The following PRKCD variants were observed in gnomAD, a reference collection of about 807,000 sequenced individuals.
The protein encoded by PRKCD is protein kinase C delta.
Under a neutral mutation model 82.2 loss-of-function variants are expected in PRKCD, and 20 were observed. The ratio of observed to expected loss-of-function variants is 0.24; its 90% CI spans 0.17 to 0.35. PRKCD has a LOEUF of 0.35. Ranked by LOEUF, PRKCD falls within the 10% of genes least tolerant of loss-of-function variation. The probability of loss-of-function intolerance (pLI) is 1.00; values close to 1 mark genes in which losing one functional copy is unlikely to be tolerated. For missense variants in PRKCD, 607 were observed against 899.0 expected, an observed-to-expected ratio of 0.68 and a Z score of 4.15; for synonymous variants, 317 against 337.0, an observed-to-expected ratio of 0.94 and a Z score of 0.65.
intron 2 of PRKCD, among the ~76,000 whole-genome samples, chr3:53,167,323 T>C (rs1553664043): frequency 6.6e-6 from 1 of 152,166 alleles, no homozygotes; most frequent in Non-Finnish European, 1.5e-5. Context: ...TTTGGGGGGC[T>C]CTAGGAGAAG....
Position 53,184,903 on chromosome 3 carries a change from C to T in PRKCD, c.817C>T (p.Arg273Trp), listed in dbSNP as rs781826732. 17 of 1,613,826 alleles carry T rather than the reference C, an allele frequency of 1.1e-5. No individual in the cohort carries two copies. Among genetic ancestry groups the T allele is most frequent in the South Asian group, 3.3e-5 (3 of 91,072 alleles). The part of the protein sequence containing the change: ...DCGMNVHHKC[R>W]EKVANLCGIN... The stretch of plus-strand genomic sequence containing the variant: ...CGGCATGAATGTGCACCATAAATGC[C>T]GGGAGAAGGTGGCCAACCTCTGCGG... Residue 273 changes from arginine (R) to tryptophan (W), a missense_variant, in exon 10 of 19, where the codon CGG (arginine) becomes TGG (tryptophan). Transcript: ENST00000330452.
chr3:53,190,512 G>T (rs1559633176), intron 18 of PRKCD, among the ~76,000 whole-genome samples: 2 of 152,184 alleles, frequency 1.3e-5, no homozygotes, highest in Non-Finnish European at 2.9e-5. Context: ...TGGCAGAGAA[G>T]AGGGTGGGTC....
intron 9 of PRKCD, 142 bp from the exon 10 acceptor site, chr3:53,184,732 A>C: frequency 1.6e-6 from 1 of 613,076 alleles, no homozygotes; most frequent in East Asian, 2.9e-5. Flanking sequence ...TGATGGCTTC[A>C]GATCAATGTT....
chr3:53,183,646 A>G (rs1244715081), intron 9 of PRKCD, 65 bp downstream of exon 9: 37 of 1,593,416 alleles, frequency 2.3e-5, no homozygotes, highest in Non-Finnish European at 2.9e-5. Flanking sequence ...TGTGAATTCC[A>G]GCCACCTCAC....
chr3:53,186,334 G>A lies in PRKCD; in HGVS notation c.1254G>A (p.Gln418=). Residue 418 remains glutamine (Q), a synonymous_variant, in exon 13 of 19, where the codon CAG becomes CAA. Transcript: ENST00000330452. ...TCACCCACCTCATCTGCACCTTCCA[G>A]ACCAAGGTGCCCGGGCCTCCTGCCG... ...PFLTHLICTF[Q]TKDHLFFVME... is the part of the protein sequence containing the mutation. 1.9e-6 allele frequency: 3 copies of A among 1,613,998 alleles called. No homozygotes were observed. The highest frequency in any genetic ancestry group is 2.5e-6 in the Non-Finnish European group (3 of 1,179,976).
chr3:53,186,520 C>G, intron 13 of PRKCD, 84 bp from the exon 14 acceptor site: 2 of 1,421,586 alleles, frequency 1.4e-6, no homozygotes, highest in Admixed American at 1.8e-5. Flanking sequence ...CTGCTGTTTC[C>G]TGTTGGGGCT....
Position 53,187,657 on chromosome 3 carries a change from C to T in PRKCD, c.1415+255C>T, listed in dbSNP as rs116215090. On this transcript the variant is annotated intron_variant, in intron 15 of 18. Transcript: ENST00000330452. The stretch of plus-strand genomic sequence containing the variant: ...CCATCGCCCCACCCATCCTTGGAGC[C>T]GTCAGTCTCGCTCTGAAGCCCCATC... Among the ~76,000 whole-genome samples the T allele has an allele frequency of 4.8e-3, 735 of 152,284 alleles. 9 individuals carry two copies. The highest frequency in any genetic ancestry group is 0.017 in the African/African-American group (709 of 41,564).
At chr3:53,183,268 GCACCCTCTCCC>G (rs1703530754) in intron 8 of PRKCD, 62 bp downstream of exon 8, 8 of 1,586,938 alleles carry the variant, frequency 5.0e-6, no homozygotes, top group Non-Finnish European at 6.0e-6. Flanking sequence ...GGAGGGATTT[GCACCCTCTCCC>G]CACCCTCCCT....
In PRKCD at chr3:53,188,854, C is replaced by T. The variant is rs1553670090; in HGVS notation, c.1550C>T (p.Pro517Leu). 1 of 1,614,126 alleles carries T rather than the reference C, an allele frequency of 6.2e-7. No homozygotes were observed. Among genetic ancestry groups the T allele is most frequent in the Non-Finnish European group, 8.5e-7 (1 of 1,180,030 alleles). The part of the protein sequence containing the change: ...TFCGTPDYIA[P>L]EILQGLKYTF... ...TGCGGCACCCCTGACTATATCGCCC[C>T]TGAGGTGAGCCGATACCCTTCCAGC... is the stretch of plus-strand genomic sequence containing the variant. Residue 517 changes from proline (P) to leucine (L), a missense_variant, in exon 16 of 19, where the codon CCT (proline) becomes CTT (leucine). Physicochemically the swap from Pro to Leu is moderately conservative, Grantham distance 98. Transcript: ENST00000330452.
intron 17 of PRKCD, among the ~76,000 whole-genome samples, chr3:53,189,628 C>T (rs1703849563): frequency 6.6e-6 from 1 of 152,164 alleles, no homozygotes; most frequent in Admixed American, 6.5e-5. Flanking sequence ...AGCTGTGGGC[C>T]AGGCAGATAG....
At position 53,189,103 on chromosome 3, in the gene PRKCD, T is replaced by C; in HGVS notation, c.1600T>C (p.Phe534Leu). Residue 534 changes from phenylalanine (F) to leucine (L), a missense_variant, in exon 17 of 19, where the codon TTC becomes CTC. Transcript: ENST00000330452. Reference protein sequence around the residue: ...KYTFSVDWWSFGVLLYEMLIG... With the variant: ...KYTFSVDWWSLGVLLYEMLIG... ...CACATTCTCTGTGGACTGGTGGTCT[T>C]TCGGGGTCCTTCTGTACGAGATGCT... 1 of 1,614,180 alleles carries C rather than the reference T, an allele frequency of 6.2e-7. No homozygotes were observed. Among genetic ancestry groups the C allele is most frequent in the Non-Finnish European group, 8.5e-7 (1 of 1,180,020 alleles).
intron 4 of PRKCD, among the ~76,000 whole-genome samples, chr3:53,180,444 G>A (rs782331081): frequency 1.1e-4 from 17 of 152,376 alleles, no homozygotes; most frequent in Admixed American, 4.6e-4. Context: ...GCCATGTGCA[G>A]CTGTGTGTTC....
intron 14 of PRKCD, 32 bp from the exon 15 acceptor site, chr3:53,187,308 C>G (rs1703740938): frequency 2.5e-6 from 4 of 1,613,424 alleles, no homozygotes; most frequent in Non-Finnish European, 2.5e-6. Flanking sequence ...CGGCAGAGAT[C>G]CCGGAACACT....
chr3:53,177,895 G>T (rs534522806), intron 2 of PRKCD, among the ~76,000 whole-genome samples: 1 of 151,848 alleles, frequency 6.6e-6, no homozygotes, highest in South Asian at 2.1e-4. Flanking sequence ...TACCAGAGAC[G>T]CCGCAAATCC....
chr3:53,168,377 G>T (rs1702902017), intron 2 of PRKCD, among the ~76,000 whole-genome samples: 1 of 152,210 alleles, frequency 6.6e-6, no homozygotes, highest in African/African-American at 2.4e-5. Flanking sequence ...AGAGGCTGGG[G>T]ATGAGGAGTG....
At chr3:53,171,295 G>C (rs1445175768) in intron 2 of PRKCD, among the ~76,000 whole-genome samples, 1 of 152,158 alleles carries the variant, frequency 6.6e-6, no homozygotes, top group Non-Finnish European at 1.5e-5. Context: ...CCTGTGCCTG[G>C]TGGCCTCCCT....
In PRKCD at chr3:53,186,271, G is replaced by A; in HGVS notation, c.1191G>A (p.Glu397=). 6.2e-7 allele frequency: 1 copy of A among 1,614,184 alleles called. No individual in the cohort carries two copies. Among genetic ancestry groups the A allele is most frequent in the Non-Finnish European group, 8.5e-7 (1 of 1,180,014 alleles). The change falls in exon 13 of 19, where the codon GAG becomes GAA. Residue 397 remains glutamate (E), a synonymous_variant. Transcript: ENST00000330452. Reference sequence around the variant, plus strand: ...ACGACGTGGAGTGCACCATGGTTGAGAAGCGGGTGCTGACACTTGCCGCAG... The same window carrying A: ...ACGACGTGGAGTGCACCATGGTTGAAAAGCGGGTGCTGACACTTGCCGCAG... ...IDDDVECTMV[E]KRVLTLAAEN...
chr3:53,172,009 GGGAGGGGCCCA>G (rs1703046377), intron 2 of PRKCD, among the ~76,000 whole-genome samples: 4 of 152,046 alleles, frequency 2.6e-5, no homozygotes, highest in Admixed American at 2.6e-4. Flanking sequence ...TGTGGGGTGA[GGGAGGGGCCCA>G]GGAGGAGCGC....
At chr3:53,167,448 G>A (rs1553664067) in intron 2 of PRKCD, among the ~76,000 whole-genome samples, 1 of 152,236 alleles carries the variant, frequency 6.6e-6, no homozygotes, top group African/African-American at 2.4e-5. Flanking sequence ...TGGCCCCCTT[G>A]AGAGAGGTGA....
Sources: allele counts gnomAD v4.1 joint callset (sites outside exome capture counted in the v4.1 genomes callset), GRCh38; gene constraint gnomAD v4.1.1; transcripts MANE v1.5; gene names NCBI Gene and HGNC (gene_info 2026-07-23, HGNC 2026-07-21).